Variants in UBAC1 observed in about 807,000 individuals in gnomAD.
UBAC1 encodes ubiquitin-associated domain-containing protein 1.
Under a neutral mutation model 45.9 loss-of-function variants are expected in UBAC1, and 27 were observed. That is an observed-to-expected ratio of 0.59 (90% confidence interval 0.43 to 0.81). The LOEUF is 0.81. Ranked by LOEUF, UBAC1 falls within the 30% of genes least tolerant of loss-of-function variation. UBAC1 has a pLI of 0.00. For synonymous variants in UBAC1, 227 were observed against 215.5 expected (o/e 1.05, Z -0.47); for missense variants, 529 against 539.2 (o/e 0.98, Z 0.19).
At position 135,955,427 on chromosome 9, in the gene UBAC1, T is replaced by C. The variant is rs372147173; in HGVS notation, c.139-12A>G. 1.9e-5 allele frequency: 29 copies of C among 1,523,940 alleles called. No homozygotes were observed. The highest frequency in any genetic ancestry group is 1.4e-4 in the Admixed American group (6 of 42,688). 94.4% of individuals were successfully genotyped at this position (1,523,940 alleles called of 1,614,324 possible). ...CTCCCATGAGCACACTGGGGAAAAA[T>C]AGAAATTTCAAGGTAGAAAATAAGT... is the stretch of plus-strand genomic sequence containing the variant. On this transcript the variant is annotated splice_polypyrimidine_tract_variant and intron_variant, in intron 1 of 9. Coordinates refer to ENST00000371756, the MANE Select transcript of UBAC1 (RefSeq NM_016172.3).
At chr9:135,940,824 C>A (rs1283149723) in intron 7 of UBAC1, among the ~76,000 whole-genome samples, 2 of 152,116 alleles carry the variant, frequency 1.3e-5, no homozygotes, top group Non-Finnish European at 2.9e-5. Context: ...AAGGGCCTCT[C>A]CTAATCCCTG....
chr9:135,945,534 G>GC (rs1279950750), intron 6 of UBAC1: 2 of 504,612 alleles, frequency 4.0e-6, no homozygotes, highest in Non-Finnish European at 7.0e-6. Context: ...AGGGGGAACT[G>GC]CCCCCGGCTG....
At chr9:135,953,845 C>G in intron 2 of UBAC1, 92 bp from the exon 3 acceptor site, 1 of 1,168,600 alleles carries the variant, frequency 8.6e-7, no homozygotes, top group South Asian at 1.4e-5. Flanking sequence ...GAGAACAGAA[C>G]AGCAGGGATT....
intron 3 of UBAC1, among the ~76,000 whole-genome samples, chr9:135,949,838 G>A (rs1185179500): frequency 6.6e-6 from 1 of 152,246 alleles, no homozygotes; most frequent in Non-Finnish European, 1.5e-5. Flanking sequence ...CCGACTGTGG[G>A]GAAAGAGTAT....
At chr9:135,944,832 C>T (rs961551108) in intron 7 of UBAC1, among the ~76,000 whole-genome samples, 196 bp downstream of exon 7, 48 of 152,228 alleles carry the variant, frequency 3.2e-4, no homozygotes, top group African/African-American at 1.0e-3. Context: ...ACTCGGGCCA[C>T]GGTCCCCAGG....
At chr9:135,948,458 T>G (rs1452629273) in intron 3 of UBAC1, among the ~76,000 whole-genome samples, 3 of 152,254 alleles carry the variant, frequency 2.0e-5, no homozygotes, top group Admixed American at 2.0e-4. Context: ...GCAAGACCAT[T>G]CCAGCCTCCT....
chr9:135,938,038 G>T (rs1839219813), intron 9 of UBAC1, among the ~76,000 whole-genome samples, 184 bp downstream of exon 9: 2 of 152,166 alleles, frequency 1.3e-5, no homozygotes, highest in Non-Finnish European at 2.9e-5. Context: ...TGACCTGCGG[G>T]CCCCACAGTG....
intron 9 of UBAC1, among the ~76,000 whole-genome samples, chr9:135,936,296 G>GA (rs1430731345): frequency 1.3e-5 from 2 of 152,052 alleles, no homozygotes; most frequent in Non-Finnish European, 2.9e-5. Flanking sequence ...AGTGTGAAAG[G>GA]AATCACTAAG....
At chr9:135,950,497 G>GATA (rs1333324277) in intron 3 of UBAC1, among the ~76,000 whole-genome samples, 1 of 152,164 alleles carries the variant, frequency 6.6e-6, no homozygotes, top group African/African-American at 2.4e-5. Flanking sequence ...AAGCCTATAA[G>GATA]AAACTCAACA....
At chr9:135,939,405 C>T (rs1010171278) in intron 8 of UBAC1, among the ~76,000 whole-genome samples, 3 of 152,134 alleles carry the variant, frequency 2.0e-5, no homozygotes, top group African/African-American at 4.8e-5. Flanking sequence ...ACGCCCGGGG[C>T]GCTCACGAGT....
intron 6 of UBAC1, chr9:135,945,648 G>A (rs918698111): frequency 1.1e-5 from 6 of 569,956 alleles, no homozygotes; most frequent in Middle Eastern, 4.7e-4. Flanking sequence ...TCCCTGCTAC[G>A]AACGGGATTC....
At chr9:135,958,098 G>C (rs1839489491) in intron 1 of UBAC1, among the ~76,000 whole-genome samples, 1 of 149,822 alleles carries the variant, frequency 6.7e-6, no homozygotes, top group Non-Finnish European at 1.5e-5. Flanking sequence ...CCAGGCTGGA[G>C]TGCAGTGGCT....
intron 2 of UBAC1, among the ~76,000 whole-genome samples, chr9:135,954,053 C>T (rs1370301309): frequency 4.6e-5 from 7 of 150,922 alleles, no homozygotes; most frequent in African/African-American, 1.7e-4. Context: ...GCAGGAGAAT[C>T]ACTTGAACCT....
intron 1 of UBAC1, among the ~76,000 whole-genome samples, chr9:135,958,317 G>A (rs1247951672): frequency 6.6e-6 from 1 of 152,132 alleles, no homozygotes; most frequent in Non-Finnish European, 1.5e-5. Flanking sequence ...AAAGTACTGG[G>A]ATTACAGGCA....
chr9:135,959,615 C>T (rs1328660963), intron 1 of UBAC1, among the ~76,000 whole-genome samples: 1 of 152,008 alleles, frequency 6.6e-6, no homozygotes, highest in African/African-American at 2.4e-5. Context: ...CCTCATAATC[C>T]GCCCACCTCG....
chr9:135,945,241 C>A lies in UBAC1; in HGVS notation c.663G>T (p.Val221=). 1 of 1,585,044 alleles carries A rather than the reference C, an allele frequency of 6.3e-7. No individual in the cohort carries two copies. Residue 221 remains valine, a synonymous_variant, in exon 7 of 10, where the codon GTG becomes GTT. Transcript: ENST00000371756. ...TKALQLNHMS[V]PQAMEWLIEH... is the part of the protein sequence containing the mutation. ...CAATTAGCCACTCCATGGCCTGAGG[C>A]ACCGACATGCTGCAAGGCAAGAGAC...
chr9:135,960,429 G>A (rs1426797816), intron 1 of UBAC1, among the ~76,000 whole-genome samples: 1 of 152,204 alleles, frequency 6.6e-6, no homozygotes, highest in African/African-American at 2.4e-5. Context: ...TTGTCCCGCA[G>A]CGGCACTATT....
In UBAC1 at chr9:135,955,189, C is replaced by T. The variant is rs555571513; in HGVS notation, c.259+106G>A. 11 of 1,203,390 alleles carry T rather than the reference C, an allele frequency of 9.1e-6. 1 individual carries two copies. In the South Asian group the frequency reaches 2.7e-4, roughly 30 times the overall value. The allele number at this position is 1,203,390 out of a possible 1,614,324, so 74.5% of individuals were successfully genotyped here. A position where few individuals can be genotyped will look rare whatever the true frequency, so the allele number is the denominator to read the frequency against. On this transcript the variant is annotated intron_variant, in intron 2 of 9. Coordinates refer to ENST00000371756, the MANE Select transcript of UBAC1 (RefSeq NM_016172.3). Reference sequence around the variant, plus strand: ...TCGATCTCGTTTTTGTGCTCGTGTCCAGCTCAGAACACTGACTCCTGTGGG... The same window carrying T: ...TCGATCTCGTTTTTGTGCTCGTGTCTAGCTCAGAACACTGACTCCTGTGGG...
intron 1 of UBAC1, among the ~76,000 whole-genome samples, chr9:135,958,902 G>A (rs868015896): frequency 3.9e-5 from 6 of 152,170 alleles, no homozygotes; most frequent in Admixed American, 2.0e-4. Flanking sequence ...TGTGGAAACC[G>A]CAGAGTGGGA....
Sources: gnomAD v4.1 joint callset for allele counts (sites outside exome capture counted in the v4.1 genomes callset) on GRCh38, gnomAD v4.1.1 for gene constraint, MANE v1.5 for transcripts, NCBI Gene and HGNC (gene_info 2026-07-23, HGNC 2026-07-21) for gene names.